RBFOX1: variants seen among roughly 807,000 people sequenced by gnomAD.
The protein encoded by RBFOX1 is RNA binding fox-1 homolog 1.
In RBFOX1, 8 loss-of-function variants were observed where a neutral mutation model predicts 57.7. The ratio of observed to expected loss-of-function variants is 0.14; its 90% CI spans 0.08 to 0.25. The LOEUF (loss-of-function observed/expected upper bound fraction) is 0.25, where lower values mean the gene tolerates loss of function less well. Among genes scored for constraint, RBFOX1 ranks in the 10% least tolerant of loss-of-function variants. RBFOX1 has a pLI of 1.00. For missense variants in RBFOX1, 611 were observed against 548.5 expected, an observed-to-expected ratio of 1.11 and a Z score of -1.14; for synonymous variants, 326 against 222.4, an observed-to-expected ratio of 1.47 and a Z score of -4.15.
chr16:6,695,819 T>A (rs768396563), intron 3 of RBFOX1, among the ~76,000 whole-genome samples: 33 of 152,298 alleles, frequency 2.2e-4, no homozygotes, highest in Non-Finnish European at 4.7e-4. Context: ...TCCTGTTTTG[T>A]TTGTTGGTTT....
intron 4 of RBFOX1, among the ~76,000 whole-genome samples, chr16:5,921,090 A>G (rs747184719): frequency 6.6e-6 from 1 of 152,150 alleles, no homozygotes; most frequent in Non-Finnish European, 1.5e-5. Context: ...ATTGCAAGCA[A>G]TTCTGTAAAT....
chr16:7,074,176 A>G (rs183926379), intron 4 of RBFOX1, among the ~76,000 whole-genome samples: 2 of 152,356 alleles, frequency 1.3e-5, no homozygotes, highest in South Asian at 2.1e-4. Flanking sequence ...AGGGACTACA[A>G]GATGACCCAA....
intron 3 of RBFOX1, among the ~76,000 whole-genome samples, chr16:5,718,382 G>A (rs1376593885): frequency 6.6e-6 from 1 of 152,224 alleles, no homozygotes; most frequent in Admixed American, 6.5e-5. Flanking sequence ...AGACACATAT[G>A]TGAGAATAAA....
chr16:5,316,576 A>G (rs1322153956), intron 1 of RBFOX1, among the ~76,000 whole-genome samples: 1 of 152,206 alleles, frequency 6.6e-6, no homozygotes, highest in African/African-American at 2.4e-5. Context: ...TTACTTAGCC[A>G]CGTTGCTGAG....
At chr16:6,666,142 C>G (rs190426858) in intron 3 of RBFOX1, among the ~76,000 whole-genome samples, 2 of 152,268 alleles carry the variant, frequency 1.3e-5, no homozygotes, top group Non-Finnish European at 2.9e-5. Flanking sequence ...CCACATGGAA[C>G]TGTGAGTCTA....
chr16:5,578,842 C>CACT (rs386364727), intron 2 of RBFOX1, among the ~76,000 whole-genome samples: 1 of 72,326 alleles, frequency 1.4e-5, no homozygotes, highest in African/African-American at 5.7e-5. Context: ...CACACACACA[C>CACT]CCTTTTTTTT....
chr16:6,855,331 A>G (rs949056908), intron 3 of RBFOX1, among the ~76,000 whole-genome samples: 2 of 152,064 alleles, frequency 1.3e-5, no homozygotes, highest in African/African-American at 4.8e-5. Context: ...CAAAATTTTC[A>G]GCAGGTAGTC....
chr16:6,718,012 T>C (rs1221315976), intron 3 of RBFOX1, among the ~76,000 whole-genome samples: 1 of 151,924 alleles, frequency 6.6e-6, no homozygotes, highest in Non-Finnish European at 1.5e-5. Flanking sequence ...ACCACCACCG[T>C]CATCACCACC....
At chr16:7,469,823 T>G (rs996851628) in intron 4 of RBFOX1, among the ~76,000 whole-genome samples, 2 of 152,192 alleles carry the variant, frequency 1.3e-5, no homozygotes, top group African/African-American at 4.8e-5. Flanking sequence ...TCTGTCCCCA[T>G]TAAACACTAA....
intron 4 of RBFOX1, among the ~76,000 whole-genome samples, chr16:5,868,239 T>C (rs1461511146): frequency 6.6e-6 from 1 of 152,232 alleles, no homozygotes; most frequent in Non-Finnish European, 1.5e-5. Flanking sequence ...CAAAGAACAC[T>C]GACCCAGGTC....
intron 4 of RBFOX1, among the ~76,000 whole-genome samples, chr16:7,096,216 A>G (rs1048380935): frequency 2.6e-5 from 4 of 152,110 alleles, no homozygotes; most frequent in Admixed American, 6.5e-5. Flanking sequence ...TAGTCGATAA[A>G]AGTGTTATTG....
At chr16:6,285,339 T>G (rs1045317073) in intron 1 of RBFOX1, among the ~76,000 whole-genome samples, 1 of 152,142 alleles carries the variant, frequency 6.6e-6, no homozygotes, top group African/African-American at 2.4e-5. Flanking sequence ...TATCTGGAAG[T>G]ATGAATTCTG....
At chr16:7,123,011 G>A (rs1207393316) in intron 4 of RBFOX1, among the ~76,000 whole-genome samples, 1 of 152,114 alleles carries the variant, frequency 6.6e-6, no homozygotes, top group Non-Finnish European at 1.5e-5. Context: ...TGTAGGTTTG[G>A]GGAGAAAAGA....
intron 1 of RBFOX1, among the ~76,000 whole-genome samples, chr16:6,137,799 G>A (rs1597675012): frequency 6.6e-6 from 1 of 151,770 alleles, no homozygotes; most frequent in Non-Finnish European, 1.5e-5. Flanking sequence ...TGTAGAGACA[G>A]GTTCCCACTA....
intron 3 of RBFOX1, among the ~76,000 whole-genome samples, chr16:6,898,253 G>T (rs1199764959): frequency 6.6e-6 from 1 of 152,114 alleles, no homozygotes; most frequent in Non-Finnish European, 1.5e-5. Flanking sequence ...GACTCCAGCT[G>T]TGATCACCTG....
chr16:7,153,112 G>C lies in RBFOX1; in HGVS notation c.27+101014G>C, dbSNP rs1359590071. 2.6e-5 allele frequency among the ~76,000 whole-genome samples: 4 copies of C among 152,080 alleles called. No individual in the cohort carries two copies. In the East Asian group the frequency reaches 7.7e-4, roughly 29 times the overall value. ...AACTTGTCTCTTAATGTTATAATCT[G>C]GCTGGAGAGAAAAATTAAAGCAGCT... On this transcript the variant is annotated intron_variant, in intron 4 of 15. Transcript: ENST00000550418.
At chr16:7,202,195 A>G (rs985638641) in intron 4 of RBFOX1, among the ~76,000 whole-genome samples, 3 of 152,176 alleles carry the variant, frequency 2.0e-5, no homozygotes, top group African/African-American at 4.8e-5. Flanking sequence ...CAAATGGCCA[A>G]TAAGCACATG....
intron 2 of RBFOX1, among the ~76,000 whole-genome samples, chr16:6,648,461 G>A (rs781545218): frequency 3.3e-5 from 5 of 152,058 alleles, no homozygotes; most frequent in Non-Finnish European, 4.4e-5. Flanking sequence ...CTGAAGGACC[G>A]CATGGTTATT....
chr16:5,639,800 G>T (rs1039618996), intron 3 of RBFOX1, among the ~76,000 whole-genome samples: 5 of 152,098 alleles, frequency 3.3e-5, no homozygotes, highest in African/African-American at 9.7e-5. Flanking sequence ...CAGTCCCCTG[G>T]GCTGGTGTCG....
Sources: gnomAD v4.1 joint callset for allele counts (sites outside exome capture counted in the v4.1 genomes callset) on GRCh38, gnomAD v4.1.1 for gene constraint, MANE v1.5 for transcripts, NCBI Gene and HGNC (gene_info 2026-07-23, HGNC 2026-07-21) for gene names.